ARHGAP24: variants seen among roughly 807,000 people sequenced by gnomAD.
The protein encoded by ARHGAP24 is rho GTPase-activating protein 24.
A neutral mutation model predicts 76.4 loss-of-function variants in ARHGAP24; 50 were observed. The ratio of observed to expected loss-of-function variants is 0.65; its 90% CI spans 0.52 to 0.83. The LOEUF (loss-of-function observed/expected upper bound fraction) is 0.83. ARHGAP24 is among the 40% of genes least tolerant of loss of function. The pLI, the probability that ARHGAP24 is intolerant of heterozygous loss-of-function variation, is 0.00. For synonymous variants in ARHGAP24, 345 were observed against 323.3 expected (o/e 1.07, Z -0.72); for missense variants, 930 against 914.2 (o/e 1.02, Z -0.22).
intron 7 of ARHGAP24, 31 bp from the exon 8 acceptor site, chr4:85,977,539 T>C: frequency 6.2e-7 from 1 of 1,609,644 alleles, no homozygotes; most frequent in Non-Finnish European, 8.5e-7. Context: ...TTGATCCCAT[T>C]GTATTTCAAT....
intron 3 of ARHGAP24, among the ~76,000 whole-genome samples, chr4:85,728,232 C>CA (rs143928362): frequency 0.06 from 5,379 of 89,606 alleles, 120 homozygotes; most frequent in African/African-American, 0.076. Flanking sequence ...ATCCTTTTGC[C>CA]AAAAAAAAAA....
chr4:85,699,305 C>A (rs919517354), intron 2 of ARHGAP24, among the ~76,000 whole-genome samples: 1 of 152,180 alleles, frequency 6.6e-6, no homozygotes, highest in African/African-American at 2.4e-5. Context: ...TTAAAAATTT[C>A]ATTTTTCAAA....
chr4:85,908,326 C>G (rs1734881235), intron 3 of ARHGAP24, among the ~76,000 whole-genome samples: 1 of 152,080 alleles, frequency 6.6e-6, no homozygotes, highest in Admixed American at 6.6e-5. Context: ...TGGTTTGTCT[C>G]CTTATTAAGA....
intron 1 of ARHGAP24, among the ~76,000 whole-genome samples, chr4:85,481,273 T>C (rs746006803): frequency 2.6e-5 from 4 of 152,218 alleles, no homozygotes; most frequent in East Asian, 1.9e-4. Context: ...CCCAAGGTAA[T>C]GTAGACTTGA....
At position 85,523,240 on chromosome 4, in the gene ARHGAP24, A is replaced by G. The variant is rs1453855255; in HGVS notation, c.-20-47282A>G. 2.6e-5 allele frequency among the ~76,000 whole-genome samples: 4 copies of G among 152,288 alleles called. No individual in the cohort carries two copies. In the Middle Eastern group the frequency reaches 0.01, roughly 388 times the overall value. ...CCTTGTGTCACCTAATTTTACCATA[A>G]CACTAAAATGAAAAGAATAAATTGT... On this transcript the variant is annotated intron_variant, in intron 1 of 9. Transcript: ENST00000395184.
rs771886093 is a variant in ARHGAP24 at position 86,000,631 on chromosome 4, A to G, written c.2156A>G (p.Gln719Arg). 1 of 1,614,138 alleles carries G rather than the reference A, an allele frequency of 6.2e-7. No homozygotes were observed. Among genetic ancestry groups the G allele is most frequent in the South Asian group, 1.1e-5 (1 of 91,078 alleles). Residue 719 changes from glutamine (Q) to arginine (R), a missense_variant, in exon 10 of 10, where the codon CAG becomes CGG. Gln to Arg is a conservative substitution (Grantham distance 43). Transcript: ENST00000395184. ...GCCGAGAAAAGAAATGACATGCTAC[A>G]GAAAGAAATGGAGCAGTTTTTTTCC... is the stretch of plus-strand genomic sequence containing the variant. ...EDAEKRNDML[Q>R]KEMEQFFSTF...
intron 1 of ARHGAP24, among the ~76,000 whole-genome samples, chr4:85,529,911 A>AT (rs59600252): frequency 0.12 from 18,060 of 151,542 alleles, 3,002 homozygotes; most frequent in African/African-American, 0.37. Flanking sequence ...TTTAAAAAAA[A>AT]CTCTTTTCAT....
At position 85,524,205 on chromosome 4, in the gene ARHGAP24, T is replaced by G. The variant is rs189757535; in HGVS notation, c.-20-46317T>G. ...TTCCGCTACAGAATTCTGATACCCC[T>G]CCTCCAACCCCACCATTCTGTACCA... is the stretch of plus-strand genomic sequence containing the variant. On this transcript the variant is annotated intron_variant, in intron 1 of 9. Coordinates refer to ENST00000395184, the MANE Select transcript of ARHGAP24 (RefSeq NM_001025616.3). Among the ~76,000 whole-genome samples the G allele has an allele frequency of 2.5e-3, 388 of 152,242 alleles. 2 individuals carry two copies. Among genetic ancestry groups the G allele is most frequent in the African/African-American group, 8.8e-3 (364 of 41,562 alleles).
At chr4:85,915,549 T>C (rs1043009939) in intron 3 of ARHGAP24, among the ~76,000 whole-genome samples, 8 of 152,278 alleles carry the variant, frequency 5.3e-5, no homozygotes, top group African/African-American at 1.9e-4. Flanking sequence ...TAGGTATTGC[T>C]CTTAATGCTA....
chr4:85,630,358 G>T (rs1394602421), intron 2 of ARHGAP24, among the ~76,000 whole-genome samples: 1 of 151,858 alleles, frequency 6.6e-6, no homozygotes, highest in Non-Finnish European at 1.5e-5. Context: ...ACTTCTTTAG[G>T]GTTGGTGACT....
chr4:85,854,387 A>G (rs1731437915), intron 3 of ARHGAP24, among the ~76,000 whole-genome samples: 1 of 152,190 alleles, frequency 6.6e-6, no homozygotes, highest in Non-Finnish European at 1.5e-5. Context: ...ATTTTTCACC[A>G]TGGTAAAGTC....
Position 85,994,948 on chromosome 4 carries a change from A to G in ARHGAP24, c.1294A>G (p.Ile432Val), listed in dbSNP as rs756304543. Residue 432 changes from isoleucine (I) to valine (V), a missense_variant, in exon 9 of 10, where the codon ATA becomes GTA. Coordinates refer to ENST00000395184, the MANE Select transcript of ARHGAP24 (RefSeq NM_001025616.3). ...KNPAFNKGSGIVTNGSFSSSN... is the reference protein window; with the variant it reads ...KNPAFNKGSGVVTNGSFSSSN... ...CCCAGCCTTTAATAAGGGTAGTGGG[A>G]TAGTTACCAATGGGTCCTTCAGCAG... 4 of 1,614,132 alleles carry G rather than the reference A, an allele frequency of 2.5e-6. No individual in the cohort carries two copies. The Admixed American group carries it at 6.7e-5, about 27-fold the overall frequency.
At chr4:85,893,832 A>G (rs1297480170) in intron 3 of ARHGAP24, among the ~76,000 whole-genome samples, 1 of 150,548 alleles carries the variant, frequency 6.6e-6, no homozygotes, top group Non-Finnish European at 1.5e-5. Flanking sequence ...CATCATTCTC[A>G]GTAAACTATC....
rs562842419 is a variant in ARHGAP24 at position 85,848,554 on chromosome 4, G to A, written c.269-75094G>A. On this transcript the variant is annotated intron_variant, in intron 3 of 9. Coordinates refer to ENST00000395184, the MANE Select transcript of ARHGAP24 (RefSeq NM_001025616.3). ...CTGCATAGTATTCCATGGTGTATATGTGCCACATTTTCTTAATCCAGTCTA... is the reference window on the plus strand; with the variant it reads ...CTGCATAGTATTCCATGGTGTATATATGCCACATTTTCTTAATCCAGTCTA... Among the ~76,000 whole-genome samples the A allele has an allele frequency of 2.6e-5, 4 of 152,218 alleles. No homozygotes were observed. The East Asian group carries it at 7.7e-4, about 29-fold the overall frequency.
At chr4:85,574,890 A>G (rs373542215) in intron 2 of ARHGAP24, among the ~76,000 whole-genome samples, 17 of 152,318 alleles carry the variant, frequency 1.1e-4, no homozygotes, top group African/African-American at 3.4e-4. Flanking sequence ...CAAATATTCA[A>G]CAACCTGCCC....
At chr4:85,587,614 TAGA>T (rs1932977616) in intron 2 of ARHGAP24, among the ~76,000 whole-genome samples, 3 of 152,226 alleles carry the variant, frequency 2.0e-5, no homozygotes, top group Admixed American at 2.0e-4. Context: ...TTTTTTTCTT[TAGA>T]AGTATACACT....
intron 7 of ARHGAP24, among the ~76,000 whole-genome samples, chr4:85,976,757 A>G (rs878855520): frequency 6.8e-6 from 1 of 147,984 alleles, no homozygotes; most frequent in Non-Finnish European, 1.5e-5. Flanking sequence ...CTGTGTTTTA[A>G]TTTCTACAGC....
At chr4:85,967,000 A>G (rs1297642783) in intron 5 of ARHGAP24, among the ~76,000 whole-genome samples, 1 of 152,094 alleles carries the variant, frequency 6.6e-6, no homozygotes, top group Non-Finnish European at 1.5e-5. Flanking sequence ...TTATACTTGT[A>G]ATTATGGTGG....
At chr4:85,724,234 T>A (rs1725070331) in intron 3 of ARHGAP24, among the ~76,000 whole-genome samples, 1 of 152,142 alleles carries the variant, frequency 6.6e-6, no homozygotes. Flanking sequence ...AAGATGATGC[T>A]TACAAACCCA....
Sources: gnomAD v4.1 joint callset for allele counts (sites outside exome capture counted in the v4.1 genomes callset) on GRCh38, gnomAD v4.1.1 for gene constraint, MANE v1.5 for transcripts, NCBI Gene and HGNC (gene_info 2026-07-23, HGNC 2026-07-21) for gene names.